SLITRK5: variants seen among roughly 807,000 people sequenced by gnomAD.
SLITRK5 encodes the protein SLIT and NTRK-like protein 5.
SLITRK5 carries 23 observed loss-of-function variants against 56.2 expected under a neutral mutation model. That is an observed-to-expected ratio of 0.41 (90% CI 0.29 to 0.58). SLITRK5 has a LOEUF of 0.58. SLITRK5 is among the 20% of genes least tolerant of loss of function. The probability of loss-of-function intolerance (pLI) is 0.30; values close to 1 mark genes in which losing one functional copy is unlikely to be tolerated. For missense variants in SLITRK5, 1,289 were observed against 1,226.6 expected (o/e 1.05, Z -0.76); for synonymous variants, 637 against 531.8 (o/e 1.20, Z -2.72).
In SLITRK5 at chr13:87,675,561, A is replaced by G; in HGVS notation, c.173A>G (p.Asp58Gly). Reference sequence around the variant, plus strand: ...AATGCATGTCCTTGTGAGGAAAAGGACGGCATTTTAACTGTGAGCTGTGAA... The same window carrying G: ...AATGCATGTCCTTGTGAGGAAAAGGGCGGCATTTTAACTGTGAGCTGTGAA... Reference protein sequence around the residue: ...CDNACPCEEKDGILTVSCENR... With the variant: ...CDNACPCEEKGGILTVSCENR... Residue 58 changes from aspartate to glycine, a missense_variant, in exon 2 of 2, where the codon GAC (aspartate) becomes GGC (glycine). Physicochemically the swap from Asp to Gly is moderately conservative, Grantham distance 94. This residue lies in a region of SLITRK5 where 291 missense variants were observed against 286.7 expected (regional missense o/e 1.02). Coordinates refer to ENST00000683689, the MANE Select transcript of SLITRK5 (RefSeq NM_001384609.1). 1 of 1,614,168 alleles carries G rather than the reference A, an allele frequency of 6.2e-7. No homozygotes were observed.
rs1412629653 is a variant in SLITRK5 at position 87,676,316 on chromosome 13, C to A, written c.928C>A (p.Pro310Thr). The A allele has an allele frequency of 1.2e-6, 2 of 1,614,130 alleles. No homozygotes were observed. The highest frequency in any genetic ancestry group is 1.7e-6 in the Non-Finnish European group (2 of 1,180,018). Residue 310 changes from proline to threonine, a missense_variant, in exon 2 of 2, where the codon CCG (proline) becomes ACG (threonine). Transcript: ENST00000683689. Reference sequence around the variant, plus strand: ...CACCACGGGGTATTTACACACCACCCCGGCGTCAGTGAATTCTGTGGCCAC... The same window carrying A: ...CACCACGGGGTATTTACACACCACCACGGCGTCAGTGAATTCTGTGGCCAC... Reference protein sequence around the residue: ...LSTTGYLHTTPASVNSVATSS... With the variant: ...LSTTGYLHTTTASVNSVATSS...
chr13:87,675,268 C>A, intron 1 of SLITRK5, 113 bp from the exon 2 acceptor site: 1 of 684,414 alleles, frequency 1.5e-6, no homozygotes, highest in Non-Finnish European at 2.5e-6. Context: ...TCATTTGTAT[C>A]TCTTCCTTTT....
chr13:87,675,235 A>G, intron 1 of SLITRK5, 146 bp from the exon 2 acceptor site: 1 of 614,434 alleles, frequency 1.6e-6, no homozygotes, highest in Non-Finnish European at 2.9e-6. Context: ...AGAGAATGTC[A>G]ATGTTTCACT....
At position 87,674,135 on chromosome 13, in the gene SLITRK5, GA is replaced by G. The variant is rs556823049; in HGVS notation, c.-8-1238del. ...CTTCAAGGGGACAAAAAGAGAGCAA[GA>G]AAAAAAAGGGGGAGGGGGTCATATT... On this transcript the variant is annotated intron_variant, in intron 1 of 1. Transcript: ENST00000683689. Among the ~76,000 whole-genome samples the G allele has an allele frequency of 2.1e-3, 312 of 150,204 alleles. 2 individuals carry two copies. Among genetic ancestry groups the G allele is most frequent in the Non-Finnish European group, 4.1e-3 (279 of 67,414 alleles).
In SLITRK5 at chr13:87,679,059, G is replaced by T. The variant is rs1385960498; in HGVS notation, c.*794G>T. 6.0e-6 allele frequency: 1 copy of T among 166,640 alleles called. No homozygotes were observed. The highest frequency in any genetic ancestry group is 1.5e-5 in the Non-Finnish European group (1 of 68,100). The allele number at this position is 166,640 out of a possible 1,614,324, so 10.3% of individuals were successfully genotyped here. ...CTATTTAGCCTATGATTTTGCAGAG[G>T]TGTCACACTGTATTAGGATCTGCAT... On this transcript the variant is annotated 3_prime_UTR_variant, in exon 2 of 2. Transcript: ENST00000683689.
rs147350709 is a variant in SLITRK5 at position 87,675,579 on chromosome 13, G to C, written c.191G>C (p.Ser64Thr). ...CEEKDGILTV[S>T]CENRGIISLS... ...GAAAAGGACGGCATTTTAACTGTGA[G>C]CTGTGAAAACCGGGGGATCATCAGT... The change falls in exon 2 of 2, where the codon AGC (serine) becomes ACC (threonine). Residue 64 changes from serine to threonine, a missense_variant. Physicochemically the swap from Ser to Thr is moderately conservative, Grantham distance 58. Coordinates refer to ENST00000683689, the MANE Select transcript of SLITRK5 (RefSeq NM_001384609.1). 47 of 1,614,092 alleles carry C rather than the reference G, an allele frequency of 2.9e-5. No individual in the cohort carries two copies. The African/African-American group carries it at 5.5e-4, about 19-fold the overall frequency.
In SLITRK5 at chr13:87,677,152, C is replaced by A. The variant is rs1877312653; in HGVS notation, c.1764C>A (p.Asp588Glu). Residue 588 changes from aspartate to glutamate, a missense_variant, in exon 2 of 2, where the codon GAC becomes GAA. Coordinates refer to ENST00000683689, the MANE Select transcript of SLITRK5 (RefSeq NM_001384609.1). This position sits in a 1 kb window ranked among gnomAD's most constrained non-coding sequence, Gnocchi z 4.7. ...VEQLKVGVLV[D>E]EVICKAPKKF... The stretch of plus-strand genomic sequence containing the variant: ...AGCTCAAAGTGGGCGTCCTAGTGGA[C>A]GAGGTGATCTGTAAGGCGCCCAAAA... 4.3e-6 allele frequency: 7 copies of A among 1,614,134 alleles called. No homozygotes were observed. Among genetic ancestry groups the A allele is most frequent in the Non-Finnish European group, 5.9e-6 (7 of 1,180,010 alleles).
At position 87,677,604 on chromosome 13, in the gene SLITRK5, C is replaced by T. The variant is rs1292593769; in HGVS notation, c.2216C>T (p.Pro739Leu). The change falls in exon 2 of 2, where the codon CCC becomes CTC. Residue 739 changes from proline to leucine, a missense_variant. Physicochemically the swap from Pro to Leu is moderately conservative, Grantham distance 98. Transcript: ENST00000683689. This position sits in a 1 kb window ranked among gnomAD's most constrained non-coding sequence, Gnocchi z 4.7. ...AHVHHRGPAL[P>L]KVKTPAGHVY... Reference sequence around the variant, plus strand: ...GTGCATCACCGCGGGCCCGCGCTGCCCAAGGTGAAGACGCCCGCGGGCCAC... The same window carrying T: ...GTGCATCACCGCGGGCCCGCGCTGCTCAAGGTGAAGACGCCCGCGGGCCAC... 6.2e-7 allele frequency: 1 copy of T among 1,609,892 alleles called. No homozygotes were observed. The highest frequency in any genetic ancestry group is 1.3e-5 in the African/African-American group (1 of 74,780).
In SLITRK5 at chr13:87,677,879, C is replaced by A. The variant is rs776300155; in HGVS notation, c.2491C>A (p.Pro831Thr). The A allele has an allele frequency of 6.2e-7, 1 of 1,611,534 alleles. No homozygotes were observed. Among genetic ancestry groups the A allele is most frequent in the Admixed American group, 1.7e-5 (1 of 59,760 alleles). Residue 831 changes from proline (P) to threonine (T), a missense_variant, in exon 2 of 2, where the codon CCC becomes ACC. Physicochemically the swap from Pro to Thr is conservative, Grantham distance 38. Transcript: ENST00000683689. The surrounding 1 kb of genome is among the most constrained non-coding windows in gnomAD (Gnocchi z 4.7). ...ERRESHHLRSPAYSVSTIEPR... is the reference protein window; with the variant it reads ...ERRESHHLRSTAYSVSTIEPR... ...GCGGGAAAGCCACCACTTGCGGAGC[C>A]CCGCCTACAGCGTCAGCACCATCGA...
chr13:87,675,928 G>A lies in SLITRK5; in HGVS notation c.540G>A (p.Gln180=). 6.2e-7 allele frequency: 1 copy of A among 1,614,098 alleles called. No homozygotes were observed. Residue 180 remains glutamine, a synonymous_variant, in exon 2 of 2, where the codon CAG becomes CAA. Coordinates refer to ENST00000683689, the MANE Select transcript of SLITRK5 (RefSeq NM_001384609.1). ...PNAFGKLHLL[Q]VLILNDNLLS... is the part of the protein sequence containing the mutation. The stretch of plus-strand genomic sequence containing the variant: ...CTTTTGGGAAACTGCATTTGTTGCA[G>A]GTGCTTATCCTCAATGACAATCTTT...
rs1722578136 is a variant in SLITRK5, at chr13:87,671,460, G to A, written c.-758G>A. Among the ~76,000 whole-genome samples the A allele has an allele frequency of 6.6e-6, 1 of 152,096 alleles. No homozygotes were observed. Among genetic ancestry groups the A allele is most frequent in the Non-Finnish European group, 1.5e-5 (1 of 68,028 alleles). ...GACAATAAACAAGTGCACTGGACTGGGCCCTGCACCCGCTCCGGAGCAGCT... is the reference window on the plus strand; with the variant it reads ...GACAATAAACAAGTGCACTGGACTGAGCCCTGCACCCGCTCCGGAGCAGCT... On this transcript the variant is annotated 5_prime_UTR_variant, in exon 1 of 2. Coordinates refer to ENST00000683689, the MANE Select transcript of SLITRK5 (RefSeq NM_001384609.1).
At position 87,677,973 on chromosome 13, in the gene SLITRK5, A is replaced by G. The variant is rs139319835; in HGVS notation, c.2585A>G (p.Asp862Gly). 19 of 1,613,878 alleles carry G rather than the reference A, an allele frequency of 1.2e-5. No individual in the cohort carries two copies. Among genetic ancestry groups the G allele is most frequent in the Non-Finnish European group, 1.5e-5 (18 of 1,179,934 alleles). Reference sequence around the variant, plus strand: ...TTTTACAGGGGCATTTTAGAACCAGACAAACACTGCTCCACCACCCCCGCC... The same window carrying G: ...TTTTACAGGGGCATTTTAGAACCAGGCAAACACTGCTCCACCACCCCCGCC... The part of the protein sequence containing the change: ...DRFYRGILEP[D>G]KHCSTTPAGN... Residue 862 changes from aspartate to glycine, a missense_variant, in exon 2 of 2, where the codon GAC (aspartate) becomes GGC (glycine). Physicochemically the swap from Asp to Gly is moderately conservative, Grantham distance 94. Transcript: ENST00000683689. The surrounding 1 kb of genome is among the most constrained non-coding windows in gnomAD (Gnocchi z 4.7).
At chr13:87,673,624 C>A in intron 1 of SLITRK5, 1 of 763,816 alleles carries the variant, frequency 1.3e-6, no homozygotes, top group Non-Finnish European at 2.0e-6. Context: ...CGCTTTTAAG[C>A]CGGGAGACGT....
At position 87,678,105 on chromosome 13, in the gene SLITRK5, C is replaced by A; in HGVS notation, c.2717C>A (p.Ala906Glu). 1 of 1,614,226 alleles carries A rather than the reference C, an allele frequency of 6.2e-7. No homozygotes were observed. The highest frequency in any genetic ancestry group is 2.2e-5 in the East Asian group (1 of 44,866). Residue 906 changes from alanine (A) to glutamate (E), a missense_variant, in exon 2 of 2, where the codon GCA becomes GAA. This residue lies in a region of SLITRK5 where 985 missense variants were observed against 906.0 expected (regional missense o/e 1.09). Transcript: ENST00000683689. ...RRPHQYLHPG[A>E]GDSRLREPVL... ...CCCCATCAGTATTTGCACCCGGGGGCAGGGGACAGCAGGCTACGGGAACCG... is the reference window on the plus strand; with the variant it reads ...CCCCATCAGTATTTGCACCCGGGGGAAGGGGACAGCAGGCTACGGGAACCG...
intron 1 of SLITRK5, among the ~76,000 whole-genome samples, chr13:87,675,051 C>A: frequency 6.7e-6 from 1 of 149,952 alleles, no homozygotes. Flanking sequence ...AACTGACAGC[C>A]ATTTTATGTA....
In SLITRK5 at chr13:87,672,150, T is replaced by C. The variant is rs187666873; in HGVS notation, c.-68T>C. On this transcript the variant is annotated 5_prime_UTR_variant, in exon 1 of 2. Coordinates refer to ENST00000683689, the MANE Select transcript of SLITRK5 (RefSeq NM_001384609.1). ...GAGGGTGCGAGGAGCCAGAGGAGGC[T>C]GGAGGGGGCGGCGGCCACAGCTGGG... Among the ~76,000 whole-genome samples the C allele has an allele frequency of 2.0e-3, 298 of 151,884 alleles. No individual in the cohort carries two copies. The highest frequency in any genetic ancestry group is 6.9e-3 in the African/African-American group (287 of 41,430).
At chr13:87,674,479 T>A in intron 1 of SLITRK5, 1 of 831,050 alleles carries the variant, frequency 1.2e-6, no homozygotes, top group Non-Finnish European at 1.5e-6. Flanking sequence ...TTTTAAACTC[T>A]AGGCATCGGG....
In SLITRK5 at chr13:87,671,850, C is replaced by A. The variant is rs912364987; in HGVS notation, c.-368C>A. ...GTCGGCGGGATCCCAGCGCGGTGGTCGCCGCTGCGCTGGGGGGCGGAGGAC... is the reference window on the plus strand; with the variant it reads ...GTCGGCGGGATCCCAGCGCGGTGGTAGCCGCTGCGCTGGGGGGCGGAGGAC... On this transcript the variant is annotated 5_prime_UTR_variant, in exon 1 of 2. Transcript: ENST00000683689. Among the ~76,000 whole-genome samples the A allele has an allele frequency of 2.0e-5, 3 of 151,998 alleles. No individual in the cohort carries two copies. The highest frequency in any genetic ancestry group is 7.2e-5 in the African/African-American group (3 of 41,394).
intron 1 of SLITRK5, chr13:87,673,581 GT>G (rs1877138621): frequency 5.6e-6 from 7 of 1,247,946 alleles, no homozygotes; most frequent in Non-Finnish European, 7.4e-6. Flanking sequence ...CAAGGTAAAC[GT>G]TTTGCTTTCA....
Sources: allele counts gnomAD v4.1 joint callset (sites outside exome capture counted in the v4.1 genomes callset), GRCh38; gene constraint gnomAD v4.1.1; regional missense constraint gnomAD v4.1.1; non-coding constraint Gnocchi (gnomAD v3.1); transcripts MANE v1.5; gene names NCBI Gene and HGNC (gene_info 2026-07-23, HGNC 2026-07-21).